The following GNB1 variants were observed in gnomAD, a reference collection of about 807,000 sequenced individuals.
GNB1 encodes the protein guanine nucleotide-binding protein G(I)/G(S)/G(T) subunit beta-1.
A neutral mutation model predicts 42.9 loss-of-function variants in GNB1; 2 were observed. The observed-to-expected ratio is 0.05, with a 90% CI of 0.02 to 0.15. The LOEUF is 0.15. Among genes scored for constraint, GNB1 ranks in the 10% least tolerant of loss-of-function variants. GNB1 has a pLI of 1.00. For missense variants in GNB1, 193 were observed against 462.2 expected, an observed-to-expected ratio of 0.42 and a Z score of 5.34; for synonymous variants, 183 against 174.7, an observed-to-expected ratio of 1.05 and a Z score of -0.38.
chr1:1,804,280 C>A (rs897511259), intron 7 of GNB1, 139 bp downstream of exon 7: 8 of 597,206 alleles, frequency 1.3e-5, no homozygotes, highest in Admixed American at 8.4e-5. Context: ...GCCTGGGTGA[C>A]AGAGCGAGAC....
intron 1 of GNB1, among the ~76,000 whole-genome samples, chr1:1,869,003 T>C (rs960421869): frequency 6.6e-6 from 1 of 150,450 alleles, no homozygotes; most frequent in Non-Finnish European, 1.5e-5. Flanking sequence ...GCTAACAAGG[T>C]GAAACCCCGT....
At position 1,789,163 on chromosome 1, in the gene GNB1, ATGT is replaced by A. The variant is rs2100481073; in HGVS notation, c.803_805del (p.Asn268del). On this transcript the variant is annotated inframe_deletion, in exon 10 of 12. Transcript: ENST00000378609. ...GGAGACAGAGGTGATCCCGCAGATG[ATGT>A]TGTCATGGGAGTAAGTCATGAGCTC... is the stretch of plus-strand genomic sequence containing the variant. The A allele has an allele frequency of 6.2e-7, 1 of 1,613,986 alleles. No individual in the cohort carries two copies. The highest frequency in any genetic ancestry group is 8.5e-7 in the Non-Finnish European group (1 of 1,179,860).
At chr1:1,809,812 C>T (rs1275338333) in intron 5 of GNB1, among the ~76,000 whole-genome samples, 1 of 152,138 alleles carries the variant, frequency 6.6e-6, no homozygotes, top group East Asian at 1.9e-4. Context: ...GTGCCTTTAC[C>T]TACTCAAAAA....
chr1:1,858,236 A>G (rs1364112469), intron 1 of GNB1, among the ~76,000 whole-genome samples: 2 of 152,254 alleles, frequency 1.3e-5, no homozygotes, highest in East Asian at 3.8e-4. Context: ...ATCATGGAAC[A>G]TCCAATAAAG....
At chr1:1,840,221 C>A (rs1050850173) in intron 1 of GNB1, among the ~76,000 whole-genome samples, 3 of 144,774 alleles carry the variant, frequency 2.1e-5, no homozygotes, top group Non-Finnish European at 4.6e-5. Context: ...GAGCAAGACA[C>A]CGTCTCGAAA....
At position 1,864,337 on chromosome 1, in the gene GNB1, G is replaced by GAAAAAAAAA. The variant is rs1245850367; in HGVS notation, c.-95-25100_-95-25099insTTTTTTTTT. Among the ~76,000 whole-genome samples, 4 of 91,160 alleles carry GAAAAAAAAA rather than the reference G, an allele frequency of 4.4e-5. No homozygotes were observed. The Admixed American group carries it at 4.6e-4, about 10-fold the overall frequency. 59.8% of individuals were successfully genotyped at this position (91,160 alleles called of 152,430 possible). ...CTCAAAAAAAAAAAAAAAAAAAAAA[G>GAAAAAAAAA]AAGAAAACCCCACGAAAAAACTATT... On this transcript the variant is annotated intron_variant, in intron 1 of 11. Transcript: ENST00000378609.
intron 7 of GNB1, among the ~76,000 whole-genome samples, chr1:1,795,688 G>A (rs1482562762): frequency 6.6e-6 from 1 of 152,120 alleles, no homozygotes; most frequent in Non-Finnish European, 1.5e-5. Flanking sequence ...AGGAGGCAGA[G>A]GTTGCAGTGA....
chr1:1,883,030 T>C (rs1247465872), intron 1 of GNB1, among the ~76,000 whole-genome samples: 1 of 151,450 alleles, frequency 6.6e-6, no homozygotes, highest in Non-Finnish European at 1.5e-5. Context: ...GTGGCTCACA[T>C]CTATAATCCC....
intron 5 of GNB1, among the ~76,000 whole-genome samples, chr1:1,810,239 G>T (rs1646756781): frequency 6.6e-6 from 1 of 151,012 alleles, no homozygotes; most frequent in East Asian, 2.0e-4. Context: ...CTTATTTTTT[G>T]TATTTTTAGT....
intron 2 of GNB1, among the ~76,000 whole-genome samples, chr1:1,837,754 G>A (rs994279162): frequency 2.1e-4 from 32 of 150,678 alleles, no homozygotes; most frequent in Non-Finnish European, 4.0e-4. Context: ...TCGTAGAGAC[G>A]GGGTTTCACC....
chr1:1,841,054 G>A (rs1383133700), intron 1 of GNB1, among the ~76,000 whole-genome samples: 3 of 151,076 alleles, frequency 2.0e-5, no homozygotes, highest in Non-Finnish European at 2.9e-5. Flanking sequence ...ACCACTCCCA[G>A]CCAATTTTTA....
At position 1,785,647 on chromosome 1, in the gene GNB1, TG is replaced by T. The variant is rs1370420685; in HGVS notation, c.*1415del. The T allele has an allele frequency of 4.3e-6, 1 of 234,040 alleles. No homozygotes were observed. Among genetic ancestry groups the T allele is most frequent in the African/African-American group, 2.2e-5 (1 of 44,790 alleles). 14.5% of individuals were successfully genotyped at this position (234,040 alleles called of 1,614,324 possible). ...CTGCTGCTGAACACTGGCCTTGAAA[TG>T]AACACCAGGACAATCTGTGTGTGAT... is the stretch of plus-strand genomic sequence containing the variant. On this transcript the variant is annotated 3_prime_UTR_variant, in exon 12 of 12. Transcript: ENST00000378609.
At chr1:1,868,620 A>T (rs1453104283) in intron 1 of GNB1, among the ~76,000 whole-genome samples, 1 of 151,928 alleles carries the variant, frequency 6.6e-6, no homozygotes, top group Non-Finnish European at 1.5e-5. Context: ...GTCTCTACTA[A>T]AAATACAAAA....
chr1:1,796,861 A>C (rs1016078596), intron 7 of GNB1, among the ~76,000 whole-genome samples: 2 of 152,204 alleles, frequency 1.3e-5, no homozygotes, highest in African/African-American at 4.8e-5. Context: ...CTATAGGGAC[A>C]AGGCTGTTAA....
At chr1:1,792,460 G>T (rs892472183) in intron 8 of GNB1, among the ~76,000 whole-genome samples, 1 of 152,124 alleles carries the variant, frequency 6.6e-6, no homozygotes, top group East Asian at 1.9e-4. Flanking sequence ...CACTTTCAGA[G>T]GCTGACGCAG....
intron 1 of GNB1, among the ~76,000 whole-genome samples, chr1:1,874,583 G>T (rs1385058125): frequency 2.2e-5 from 3 of 138,286 alleles, no homozygotes; most frequent in Non-Finnish European, 4.6e-5. Flanking sequence ...CTCCAGCCTG[G>T]GAAGCAGAGC....
intron 1 of GNB1, among the ~76,000 whole-genome samples, chr1:1,848,972 T>C (rs1016937712): frequency 1.3e-5 from 2 of 152,208 alleles, no homozygotes; most frequent in African/African-American, 4.8e-5. Flanking sequence ...TGAGCCTCCA[T>C]GTTTTTGCTG....
intron 3 of GNB1, among the ~76,000 whole-genome samples, chr1:1,822,663 G>A (rs976079625): frequency 6.6e-5 from 10 of 152,100 alleles, no homozygotes; most frequent in South Asian, 4.1e-4. Flanking sequence ...GGAATGTCAC[G>A]TGACATTTGT....
At chr1:1,816,646 T>G (rs1646861187) in intron 4 of GNB1, among the ~76,000 whole-genome samples, 1 of 34,732 alleles carries the variant, frequency 2.9e-5, no homozygotes, top group Admixed American at 6.3e-4. Context: ...TTTATTATCT[T>G]TTTTTTTTTT....
Sources: gnomAD v4.1 joint callset for allele counts (sites outside exome capture counted in the v4.1 genomes callset) on GRCh38, gnomAD v4.1.1 for gene constraint, MANE v1.5 for transcripts, NCBI Gene and HGNC (gene_info 2026-07-23, HGNC 2026-07-21) for gene names.